Variants in AACS observed in about 807,000 individuals in gnomAD.
The protein encoded by AACS is acetoacetate-CoA ligase.
AACS carries 69 observed loss-of-function variants against 83.1 expected under a neutral mutation model. The ratio of observed to expected loss-of-function variants is 0.83; its 90% confidence interval spans 0.68 to 1.01. AACS has a LOEUF of 1.01. AACS is among the 50% of genes least tolerant of loss of function. AACS has a pLI of 0.00. For synonymous variants in AACS, 333 were observed against 343.4 expected, an observed-to-expected ratio of 0.97 and a Z score of 0.33; for missense variants, 866 against 882.2, an observed-to-expected ratio of 0.98 and a Z score of 0.23.
In AACS at chr12:125,073,217, C is replaced by T. The variant is rs546165960; in HGVS notation, c.134-659C>T. Reference sequence around the variant, plus strand: ...CACTGGGATTACAGGCGTGAGCCACCGCGTCTGGCCTCCATATGACTTTTT... The same window carrying T: ...CACTGGGATTACAGGCGTGAGCCACTGCGTCTGGCCTCCATATGACTTTTT... On this transcript the variant is annotated intron_variant, in intron 1 of 17. Transcript: ENST00000316519. Among the ~76,000 whole-genome samples, 29 of 152,234 alleles carry T rather than the reference C, an allele frequency of 1.9e-4. 1 individual carries two copies. The highest frequency in any genetic ancestry group is 1.0e-3 in the South Asian group (5 of 4,826).
In AACS at chr12:125,134,780, T is replaced by C; in HGVS notation, c.1620-14T>C. The C allele has an allele frequency of 6.2e-7, 1 of 1,614,118 alleles. No homozygotes were observed. Among genetic ancestry groups the C allele is most frequent in the Non-Finnish European group, 8.5e-7 (1 of 1,179,994 alleles). Reference sequence around the variant, plus strand: ...AGAGCTGCGGTGTGGCCCTGACCTCTTCTCTCTTTCCAGTGACGGCACCCT... The same window carrying C: ...AGAGCTGCGGTGTGGCCCTGACCTCCTCTCTCTTTCCAGTGACGGCACCCT... On this transcript the variant is annotated splice_polypyrimidine_tract_variant and intron_variant, in intron 15 of 17. Transcript: ENST00000316519.
chr12:125,118,867 G>T (rs1478566875), intron 10 of AACS, 102 bp downstream of exon 10: 1 of 1,485,500 alleles, frequency 6.7e-7, no homozygotes, highest in African/African-American at 1.4e-5. Context: ...CGTGGTCGGG[G>T]CGTCTCCAGC....
At chr12:125,091,604 G>T in intron 5 of AACS, 81 bp downstream of exon 5, 2 of 1,446,922 alleles carry the variant, frequency 1.4e-6, no homozygotes. Context: ...TGAATTCCCA[G>T]GGGAGCCGGA....
chr12:125,079,130 A>G (rs922817985), intron 3 of AACS, among the ~76,000 whole-genome samples: 12 of 152,022 alleles, frequency 7.9e-5, no homozygotes, highest in Non-Finnish European at 1.3e-4. Context: ...TCCCAGGCAC[A>G]AGGAACAGCC....
At chr12:125,142,062 T>C (rs553489038) in intron 17 of AACS, 30 bp from the exon 18 acceptor site, 3 of 1,612,968 alleles carry the variant, frequency 1.9e-6, no homozygotes, top group Admixed American at 3.3e-5. Context: ...CAGGTTTAAA[T>C]GTTCCTGTTT....
At chr12:125,103,281 C>T (rs1470963810) in intron 7 of AACS, among the ~76,000 whole-genome samples, 200 bp downstream of exon 7, 4 of 152,188 alleles carry the variant, frequency 2.6e-5, no homozygotes, top group Admixed American at 2.0e-4. Context: ...GAATGAGTGG[C>T]GGAAGAGAGA....
At position 125,142,143 on chromosome 12, in the gene AACS, G is replaced by A. The variant is rs1373727212; in HGVS notation, c.1933G>A (p.Gly645Arg). Residue 645 changes from glycine to arginine, a missense_variant, in exon 18 of 18, where the codon GGA (glycine) becomes AGA (arginine). Gly to Arg is a moderately radical substitution (Grantham distance 125, BLOSUM62 -2). Transcript: ENST00000316519. Reference sequence around the variant, plus strand: ...AGTTGCCGTCAAACAGATCATCGCTGGAAAAGCCGTGGAGCAAGGAGGTGC... The same window carrying A: ...AGTTGCCGTCAAACAGATCATCGCTAGAAAAGCCGTGGAGCAAGGAGGTGC... ...VEVAVKQIIA[G>R]KAVEQGGAFS... 4 of 1,614,038 alleles carry A rather than the reference G, an allele frequency of 2.5e-6. No homozygotes were observed. The highest frequency in any genetic ancestry group is 3.4e-6 in the Non-Finnish European group (4 of 1,180,048).
chr12:125,102,778 C>A lies in AACS; in HGVS notation c.670C>A (p.Gln224Lys). ...AGAGCACAACCACATGGAAAAGCTG[C>A]AGCAGGTGGTTAAAGGTGTGTGGCC... ...GKEHNHMEKL[Q>K]QVVKGLPDLK... The change falls in exon 6 of 18, where the codon CAG becomes AAG. Residue 224 changes from glutamine to lysine, a missense_variant. Coordinates refer to ENST00000316519, the MANE Select transcript of AACS (RefSeq NM_023928.5). 1.2e-6 allele frequency: 2 copies of A among 1,614,140 alleles called. No individual in the cohort carries two copies. Among genetic ancestry groups the A allele is most frequent in the Non-Finnish European group, 1.7e-6 (2 of 1,179,982 alleles).
intron 5 of AACS, among the ~76,000 whole-genome samples, chr12:125,096,253 C>T (rs1170437395): frequency 6.6e-6 from 1 of 152,208 alleles, no homozygotes; most frequent in Non-Finnish European, 1.5e-5. Flanking sequence ...AGCCTTATTG[C>T]CCCTCTCTTA....
chr12:125,137,220 C>T (rs918037951), intron 17 of AACS, among the ~76,000 whole-genome samples: 3 of 152,196 alleles, frequency 2.0e-5, no homozygotes, highest in Non-Finnish European at 4.4e-5. Context: ...GTCACCCAGG[C>T]TGGAATGCAA....
At chr12:125,085,939 G>A (rs1409580440) in intron 3 of AACS, among the ~76,000 whole-genome samples, 1 of 152,040 alleles carries the variant, frequency 6.6e-6, no homozygotes, top group East Asian at 1.9e-4. Context: ...ACAGACGTGT[G>A]CCACTATGCC....
chr12:125,086,972 C>G (rs528759720), intron 4 of AACS, among the ~76,000 whole-genome samples: 1 of 152,072 alleles, frequency 6.6e-6, no homozygotes, highest in East Asian at 1.9e-4. Flanking sequence ...CTGCTGAAGG[C>G]AGCAAGCAGG....
At chr12:125,125,122 T>C in intron 12 of AACS, 98 bp downstream of exon 12, 1 of 1,550,454 alleles carries the variant, frequency 6.4e-7, no homozygotes. Context: ...AAGGACACAG[T>C]CCGCTGGGCA....
At chr12:125,096,744 G>A (rs1565936010) in intron 5 of AACS, among the ~76,000 whole-genome samples, 1 of 152,134 alleles carries the variant, frequency 6.6e-6, no homozygotes, top group Non-Finnish European at 1.5e-5. Context: ...CGCTGTGCAT[G>A]CACTTAGTTA....
intron 4 of AACS, among the ~76,000 whole-genome samples, chr12:125,087,881 C>A (rs569810182): frequency 6.6e-6 from 1 of 152,188 alleles, no homozygotes; most frequent in Non-Finnish European, 1.5e-5. Flanking sequence ...ATGGGCATGC[C>A]GGCTGCCTCC....
rs934876020 is a variant in AACS at position 125,118,827 on chromosome 12, A to T, written c.1121+62A>T. ...GGCAGCACCAGGAAGGCTCCTTGGG[A>T]TCAGATGCAGAGCTGTGCCTGCCTT... On this transcript the variant is annotated intron_variant, in intron 10 of 17. Transcript: ENST00000316519. The T allele has an allele frequency of 1.2e-5, 19 of 1,597,154 alleles. No individual in the cohort carries two copies. The African/African-American group carries it at 1.7e-4, about 15-fold the overall frequency.
Position 125,128,303 on chromosome 12 carries a change from G to A in AACS, c.1423+29G>A, listed in dbSNP as rs146418179. On this transcript the variant is annotated intron_variant, in intron 13 of 17. Transcript: ENST00000316519. ...ATGGCTCCACCAACTGTTTCTTTCT[G>A]TGATTAGGCGTGAGTTGGGAGTGTG... 4.5e-5 allele frequency: 72 copies of A among 1,587,166 alleles called. No homozygotes were observed. The African/African-American group carries it at 8.1e-4, about 18-fold the overall frequency.
At chr12:125,067,226 C>G (rs1239631394) in intron 1 of AACS, among the ~76,000 whole-genome samples, 1 of 152,176 alleles carries the variant, frequency 6.6e-6, no homozygotes, top group Non-Finnish European at 1.5e-5. Context: ...CTTCCTCTCC[C>G]TTGGAGACAG....
chr12:125,066,265 C>T (rs1248820363), intron 1 of AACS, among the ~76,000 whole-genome samples: 2 of 151,902 alleles, frequency 1.3e-5, no homozygotes, highest in African/African-American at 4.8e-5. Context: ...CCAAACAGAA[C>T]CTAGTAAAAG....
Sources: gnomAD v4.1 joint callset for allele counts (sites outside exome capture counted in the v4.1 genomes callset) on GRCh38, gnomAD v4.1.1 for gene constraint, MANE v1.5 for transcripts, NCBI Gene and HGNC (gene_info 2026-07-23, HGNC 2026-07-21) for gene names.